Variants in CHMP3 observed in about 807,000 individuals in gnomAD.
The protein encoded by CHMP3 is 25.1 protein.
CHMP3 carries 8 observed loss-of-function variants against 27.4 expected under a neutral mutation model. The ratio of observed to expected loss-of-function variants is 0.29; its 90% CI spans 0.17 to 0.53. CHMP3 has a LOEUF of 0.53. CHMP3 is among the 20% of genes least tolerant of loss of function. The pLI, the probability that CHMP3 is intolerant of heterozygous loss-of-function variation, is 0.96. For synonymous variants in CHMP3, 86 were observed against 85.5 expected, an observed-to-expected ratio of 1.01 and a Z score of -0.03; for missense variants, 208 against 271.5, an observed-to-expected ratio of 0.77 and a Z score of 1.64.
chr2:86,533,334 G>A (rs1037573867), intron 2 of CHMP3, among the ~76,000 whole-genome samples: 1 of 152,112 alleles, frequency 6.6e-6, no homozygotes, highest in African/African-American at 2.4e-5. Context: ...TAGTTAAGGT[G>A]TATACATTTT....
rs1053069681 is a variant in CHMP3, at chr2:86,529,466, T to C, written c.107-69A>G. 2.8e-6 allele frequency: 4 copies of C among 1,422,182 alleles called. No homozygotes were observed. The African/African-American group carries it at 4.4e-5, about 15-fold the overall frequency. 88.1% of individuals were successfully genotyped at this position (1,422,182 alleles called of 1,614,324 possible). ...TTATTGGCACTCAAATACATTCTTA[T>C]TGTGATCTAAATGTATCTATTAAAT... is the stretch of plus-strand genomic sequence containing the variant. On this transcript the variant is annotated intron_variant, in intron 2 of 5. Transcript: ENST00000263856.
rs549886924 is a variant in CHMP3 at position 86,544,552 on chromosome 2, G to A, written c.46-2240C>T. On this transcript the variant is annotated intron_variant, in intron 1 of 5. Coordinates refer to ENST00000263856, the MANE Select transcript of CHMP3 (RefSeq NM_016079.4). The stretch of plus-strand genomic sequence containing the variant: ...TTAGGGAGTGGTGATGACTCTTAAC[G>A]AGCATGCTGCCTTCAAGCATCTGTT... 9.9e-5 allele frequency among the ~76,000 whole-genome samples: 15 copies of A among 152,144 alleles called. No homozygotes were observed. The South Asian group carries it at 2.7e-3, about 27-fold the overall frequency.
At chr2:86,551,414 G>A (rs976472864) in intron 1 of CHMP3, among the ~76,000 whole-genome samples, 2 of 151,744 alleles carry the variant, frequency 1.3e-5, no homozygotes, top group East Asian at 1.9e-4. Flanking sequence ...CTGCCACCAC[G>A]CCCAGCTACT....
chr2:86,526,806 T>C (rs999861491), intron 3 of CHMP3, among the ~76,000 whole-genome samples: 20 of 152,054 alleles, frequency 1.3e-4, no homozygotes, highest in Non-Finnish European at 2.9e-5. Flanking sequence ...CTGGCTCAAG[T>C]GATCCTCCTG....
chr2:86,511,852 G>A (rs1675119490), intron 3 of CHMP3: 1 of 151,992 alleles, frequency 6.6e-6, no homozygotes, highest in Non-Finnish European at 1.5e-5. Context: ...TAAACAGATG[G>A]GAGACATGGA....
intron 2 of CHMP3, among the ~76,000 whole-genome samples, chr2:86,534,200 T>TC: frequency 1.1e-5 from 1 of 89,916 alleles, no homozygotes; most frequent in Non-Finnish European, 2.2e-5. Context: ...TTATTTCTTT[T>TC]TTTTTTTTTT....
At chr2:86,544,017 T>C (rs1216217090) in intron 1 of CHMP3, among the ~76,000 whole-genome samples, 1 of 152,244 alleles carries the variant, frequency 6.6e-6, no homozygotes, top group Non-Finnish European at 1.5e-5. Context: ...CCTGTCTCTA[T>C]GGGATTGCTT....
At chr2:86,521,001 C>T (rs907390310) in intron 3 of CHMP3, among the ~76,000 whole-genome samples, 15 of 152,294 alleles carry the variant, frequency 9.8e-5, no homozygotes, top group Middle Eastern at 3.4e-3. Flanking sequence ...GATCAATGTA[C>T]TTTGTAATCT....
At chr2:86,535,502 G>A (rs74394903) in intron 2 of CHMP3, among the ~76,000 whole-genome samples, 1 of 151,958 alleles carries the variant, frequency 6.6e-6, no homozygotes, top group African/African-American at 2.4e-5. Flanking sequence ...ACACTCTAAT[G>A]TGAATCTGCA....
chr2:86,554,346 AAAGTAGTTGGCATTTCATAGGTGTT>A (rs1558662645), intron 1 of CHMP3, among the ~76,000 whole-genome samples: 4 of 152,248 alleles, frequency 2.6e-5, no homozygotes, highest in Non-Finnish European at 4.4e-5. Flanking sequence ...ACTTTAAAAT[AAAGTAGTTGGCATTTCATAGGTGTT>A]CTATTTCAAG....
intron 2 of CHMP3, among the ~76,000 whole-genome samples, chr2:86,530,936 CT>C (rs988695746): frequency 3.6e-4 from 55 of 152,118 alleles, no homozygotes; most frequent in African/African-American, 1.3e-3. Flanking sequence ...TGTTAAACAT[CT>C]TTTCATGTAC....
intron 4 of CHMP3, among the ~76,000 whole-genome samples, chr2:86,509,119 G>A (rs1018820885): frequency 3.8e-4 from 58 of 152,240 alleles, no homozygotes; most frequent in African/African-American, 1.4e-3. Flanking sequence ...TGTACTACAC[G>A]CAAGCCTTCC....
chr2:86,556,874 G>A (rs1216008146), intron 1 of CHMP3, among the ~76,000 whole-genome samples: 2 of 152,116 alleles, frequency 1.3e-5, no homozygotes, highest in Non-Finnish European at 2.9e-5. Flanking sequence ...TCCGTCGTTT[G>A]GCCAGGATCT....
At chr2:86,530,403 C>T (rs549295007) in intron 2 of CHMP3, among the ~76,000 whole-genome samples, 17 of 152,118 alleles carry the variant, frequency 1.1e-4, no homozygotes, top group Non-Finnish European at 1.9e-4. Context: ...TCTGTCTTTA[C>T]GAATTTTACT....
At chr2:86,518,912 CTG>C (rs1368508341) in intron 3 of CHMP3, among the ~76,000 whole-genome samples, 2 of 152,148 alleles carry the variant, frequency 1.3e-5, no homozygotes, top group African/African-American at 4.8e-5. Context: ...AAAAGCAACA[CTG>C]TTTCACTGGG....
chr2:86,549,071 A>C (rs1361228985), intron 1 of CHMP3, among the ~76,000 whole-genome samples: 1 of 138,062 alleles, frequency 7.2e-6, no homozygotes, highest in Non-Finnish European at 1.5e-5. Flanking sequence ...CACTTCCCAG[A>C]CGGGGTGGCG....
intron 1 of CHMP3, chr2:86,562,635 T>A (rs1443790422): frequency 6.6e-6 from 1 of 152,218 alleles, no homozygotes; most frequent in Non-Finnish European, 1.5e-5. Context: ...AAGGCAGGAT[T>A]CAAACTTAGG....
intron 1 of CHMP3, among the ~76,000 whole-genome samples, chr2:86,550,720 A>C (rs1000879945): frequency 2.0e-5 from 3 of 152,196 alleles, no homozygotes; most frequent in African/African-American, 7.2e-5. Flanking sequence ...GATTCAACCA[A>C]CTACAGCTCA....
At chr2:86,542,103 A>C in intron 2 of CHMP3, 149 bp downstream of exon 2, 1 of 790,534 alleles carries the variant, frequency 1.3e-6, no homozygotes, top group South Asian at 2.0e-5. Flanking sequence ...CTGATTACAG[A>C]ATTAAAAAGC....
Sources: allele counts gnomAD v4.1 joint callset (sites outside exome capture counted in the v4.1 genomes callset), GRCh38; gene constraint gnomAD v4.1.1; transcripts MANE v1.5; gene names NCBI Gene and HGNC (gene_info 2026-07-23, HGNC 2026-07-21).